The following MAGI2 variants were observed in gnomAD, a reference collection of about 807,000 sequenced individuals.
MAGI2 encodes membrane associated guanylate kinase, WW and PDZ domain containing 2, also known as membrane-associated guanylate kinase, WW and PDZ domain-containing protein 2.
In MAGI2, 35 loss-of-function variants were observed where a neutral mutation model predicts 133.3. The ratio of observed to expected loss-of-function variants is 0.26; its 90% CI spans 0.20 to 0.35. MAGI2 has a LOEUF of 0.35. MAGI2 is among the 10% of genes least tolerant of loss of function. The pLI, the probability that MAGI2 is intolerant of heterozygous loss-of-function variation, is 1.00. For synonymous variants in MAGI2, 729 were observed against 710.6 expected (o/e 1.03, Z -0.41); for missense variants, 1,636 against 1,863.4 (o/e 0.88, Z 2.25).
rs1817181394 is a variant in MAGI2, at chr7:79,092,830, A to ACT, written c.302-85625_302-85624insAG. 2.6e-5 allele frequency among the ~76,000 whole-genome samples: 4 copies of ACT among 152,132 alleles called. No homozygotes were observed. In the South Asian group the frequency reaches 8.3e-4, roughly 32 times the overall value. ...TTTTCAGGCTAGGCATCACTACATC[A>ACT]ACCCCTAATGTCTTCAGCCACTCCT... On this transcript the variant is annotated intron_variant, in intron 1 of 21. Transcript: ENST00000354212.
chr7:79,453,153 G>T lies in MAGI2; in HGVS notation c.168C>A (p.Ser56Arg), dbSNP rs1283705616. The change falls in exon 1 of 22, where the codon AGC becomes AGA. Residue 56 changes from serine (S) to arginine (R), a missense_variant. By Grantham distance (110) the Ser-to-Arg change is moderately radical. Coordinates refer to ENST00000354212, the MANE Select transcript of MAGI2 (RefSeq NM_012301.4). ...GCTCCTCCGACACCAATTTGCTGCC[G>T]CTCTCATAGGCCACCTTGCCGGGCT... is the stretch of plus-strand genomic sequence containing the variant. ...EVKPGKVAYE[S>R]GSKLVSEELL... is the part of the protein sequence containing the mutation. 1.2e-6 allele frequency: 2 copies of T among 1,614,024 alleles called. No homozygotes were observed. The highest frequency in any genetic ancestry group is 1.7e-6 in the Non-Finnish European group (2 of 1,180,032).
chr7:79,097,455 C>G (rs1013288), intron 1 of MAGI2, among the ~76,000 whole-genome samples: 113,458 of 151,690 alleles, frequency 0.75, 43,597 homozygotes, highest in Non-Finnish European at 0.84. Flanking sequence ...AATGAGAAAG[C>G]TTCCTGCTGG....
intron 9 of MAGI2, among the ~76,000 whole-genome samples, chr7:78,267,745 A>G (rs1322146676): frequency 6.6e-6 from 1 of 152,032 alleles, no homozygotes; most frequent in African/African-American, 2.4e-5. Context: ...ACCCACCACT[A>G]CCCTCTCCGT....
At chr7:78,083,756 C>G (rs950949041) in intron 20 of MAGI2, among the ~76,000 whole-genome samples, 2 of 152,144 alleles carry the variant, frequency 1.3e-5, no homozygotes, top group Non-Finnish European at 2.9e-5. Context: ...AACAAAACAC[C>G]AAATCTTTGA....
chr7:79,124,609 C>G (rs896672514), intron 1 of MAGI2: 1 of 152,354 alleles, frequency 6.6e-6, no homozygotes, highest in Admixed American at 6.5e-5. Flanking sequence ...TGAGTGGCTA[C>G]TGTCCCAGAT....
At chr7:79,036,332 T>C (rs1193746419) in intron 1 of MAGI2, among the ~76,000 whole-genome samples, 1 of 152,232 alleles carries the variant, frequency 6.6e-6, no homozygotes, top group Non-Finnish European at 1.5e-5. Context: ...GGATAGATGT[T>C]AGATTCATTG....
intron 1 of MAGI2, among the ~76,000 whole-genome samples, chr7:79,366,824 T>C (rs1306349578): frequency 6.6e-6 from 1 of 152,184 alleles, no homozygotes; most frequent in Non-Finnish European, 1.5e-5. Context: ...AATTTTTTCA[T>C]AGGATATATT....
At chr7:78,677,019 C>T (rs941796373) in intron 2 of MAGI2, among the ~76,000 whole-genome samples, 1 of 152,124 alleles carries the variant, frequency 6.6e-6, no homozygotes, top group African/African-American at 2.4e-5. Context: ...TTTGAGTCAA[C>T]ATAACTCAGT....
intron 10 of MAGI2, among the ~76,000 whole-genome samples, chr7:78,243,072 A>AAAAT (rs1020544849): frequency 4.6e-5 from 7 of 152,108 alleles, no homozygotes; most frequent in African/African-American, 1.4e-4. Context: ...ACCCTGTCTC[A>AAAAT]AAATAAATAA....
chr7:79,200,618 A>T (rs1314388168), intron 1 of MAGI2, among the ~76,000 whole-genome samples: 2 of 151,746 alleles, frequency 1.3e-5, no homozygotes, highest in East Asian at 3.9e-4. Flanking sequence ...CTCAAAAAAA[A>T]AAAAAAGTTT....
At chr7:78,556,648 G>A (rs1048837898) in intron 3 of MAGI2, among the ~76,000 whole-genome samples, 4 of 152,128 alleles carry the variant, frequency 2.6e-5, no homozygotes, top group Admixed American at 2.6e-4. Context: ...CTAAGAACAA[G>A]CAACCGTTTT....
chr7:79,279,671 A>G (rs1438368669), intron 1 of MAGI2, among the ~76,000 whole-genome samples: 2 of 152,186 alleles, frequency 1.3e-5, no homozygotes, highest in Non-Finnish European at 2.9e-5. Flanking sequence ...CCGATCTCAA[A>G]GAAGTGGATT....
At chr7:78,377,796 G>C (rs1260672788) in intron 6 of MAGI2, among the ~76,000 whole-genome samples, 14 of 149,132 alleles carry the variant, frequency 9.4e-5, no homozygotes, top group Admixed American at 2.7e-4. Flanking sequence ...AACTGTTATC[G>C]CTGGTCTAGG....
At position 78,256,481 on chromosome 7, in the gene MAGI2, G is replaced by A; in HGVS notation, c.1509C>T (p.Asn503=). ...AAGGGTAGCCACGACACAACACCAG[G>A]TTGACACTCTGACCAATAGGAACAG... The part of the protein sequence containing the change: ...FQSVPIGQSV[N]LVLCRGYPLP... The change falls in exon 10 of 22, where the codon AAC becomes AAT. Residue 503 remains asparagine (N), a synonymous_variant. Transcript: ENST00000354212. The A allele has an allele frequency of 1.2e-6, 2 of 1,613,916 alleles. No homozygotes were observed. Among genetic ancestry groups the A allele is most frequent in the Non-Finnish European group, 8.5e-7 (1 of 1,179,964 alleles).
At chr7:79,419,493 A>G (rs1846783740) in intron 1 of MAGI2, among the ~76,000 whole-genome samples, 1 of 152,044 alleles carries the variant, frequency 6.6e-6, no homozygotes, top group African/African-American at 2.4e-5. Flanking sequence ...TTAAGTAGGG[A>G]CAAAATGTGA....
chr7:78,223,589 AAATATT>A (rs1789047912), intron 10 of MAGI2, among the ~76,000 whole-genome samples: 1 of 152,222 alleles, frequency 6.6e-6, no homozygotes, highest in Non-Finnish European at 1.5e-5. Flanking sequence ...GAAAATTTCA[AAATATT>A]AATATACTAA....
At chr7:78,292,554 G>T (rs1796826834) in intron 9 of MAGI2, among the ~76,000 whole-genome samples, 1 of 152,150 alleles carries the variant, frequency 6.6e-6, no homozygotes, top group Non-Finnish European at 1.5e-5. Flanking sequence ...AGCTACCAAT[G>T]ACTTTCTTCA....
chr7:79,184,106 T>C (rs1339078810), intron 1 of MAGI2, among the ~76,000 whole-genome samples: 2 of 151,780 alleles, frequency 1.3e-5, no homozygotes, highest in African/African-American at 4.8e-5. Flanking sequence ...ATTAATGTAT[T>C]GTGTATTTCA....
intron 5 of MAGI2, among the ~76,000 whole-genome samples, chr7:78,500,635 T>C (rs1794538305): frequency 6.6e-6 from 1 of 152,172 alleles, no homozygotes; most frequent in Non-Finnish European, 1.5e-5. Flanking sequence ...AAGATTAGGT[T>C]GAGTATTACC....
Sources: gnomAD v4.1 joint callset for allele counts (sites outside exome capture counted in the v4.1 genomes callset) on GRCh38, gnomAD v4.1.1 for gene constraint, MANE v1.5 for transcripts, NCBI Gene and HGNC (gene_info 2026-07-23, HGNC 2026-07-21) for gene names.